FHIT: variants seen among roughly 807,000 people sequenced by gnomAD.
FHIT encodes the protein fragile histidine triad diadenosine triphosphatase.
FHIT carries 19 observed loss-of-function variants against 17.9 expected under a neutral mutation model. That is an observed-to-expected ratio of 1.06 (90% CI 0.74 to 1.56). The LOEUF is 1.56. Ranked by LOEUF, FHIT falls within the 40% of genes most tolerant of loss-of-function variation. The pLI, the probability that FHIT is intolerant of heterozygous loss-of-function variation, is 0.00. For synonymous variants in FHIT, 81 were observed against 69.7 expected, an observed-to-expected ratio of 1.16 and a Z score of -0.81; for missense variants, 248 against 189.2, an observed-to-expected ratio of 1.31 and a Z score of -1.82.
intron 5 of FHIT, among the ~76,000 whole-genome samples, chr3:60,297,337 CCATA>C (rs1708257838): frequency 6.6e-6 from 1 of 152,004 alleles, no homozygotes. Flanking sequence ...GTAGTTTTCA[CCATA>C]CAAATTCTAT....
intron 1 of FHIT, among the ~76,000 whole-genome samples, chr3:61,239,758 T>A (rs1283987237): frequency 2.0e-5 from 2 of 101,864 alleles, no homozygotes; most frequent in African/African-American, 6.6e-5. Flanking sequence ...GAAAAACAAC[T>A]GGCCATATAT....
At chr3:59,811,600 G>A (rs1285647621) in intron 8 of FHIT, among the ~76,000 whole-genome samples, 5 of 152,040 alleles carry the variant, frequency 3.3e-5, no homozygotes, top group East Asian at 1.9e-4. Flanking sequence ...AGAAAGGAAG[G>A]AAGAAAAAGA....
At chr3:61,028,329 A>G (rs1188222549) in intron 3 of FHIT, among the ~76,000 whole-genome samples, 4 of 152,220 alleles carry the variant, frequency 2.6e-5, no homozygotes. Context: ...AAGACAGTTG[A>G]GCAGGGAGGA....
Position 60,841,874 on chromosome 3 carries a change from T to G in FHIT, c.-110-19863A>C, listed in dbSNP as rs558389433. Among the ~76,000 whole-genome samples the G allele has an allele frequency of 4.7e-4, 72 of 152,254 alleles. 1 individual carries two copies. Among genetic ancestry groups the G allele is most frequent in the Middle Eastern group, 3.4e-3 (1 of 294 alleles). On this transcript the variant is annotated intron_variant, in intron 3 of 9. Coordinates refer to ENST00000492590, the MANE Select transcript of FHIT (RefSeq NM_002012.4). The stretch of plus-strand genomic sequence containing the variant: ...AGGCTACTAAATATTAAAAAAAAAT[T>G]TCTGATATTTCCATACATGAAGATG...
At chr3:60,956,559 A>C (rs1036284827) in intron 3 of FHIT, among the ~76,000 whole-genome samples, 12 of 152,184 alleles carry the variant, frequency 7.9e-5, no homozygotes, top group African/African-American at 2.9e-4. Context: ...CCTGAAGACA[A>C]TTTCAAAATG....
chr3:61,021,919 C>T (rs756945818), intron 3 of FHIT, among the ~76,000 whole-genome samples: 94 of 152,184 alleles, frequency 6.2e-4, no homozygotes, highest in Middle Eastern at 3.4e-3. Context: ...GACACCCTAA[C>T]CTCACAATTA....
chr3:60,007,003 T>G (rs1699950723), intron 7 of FHIT, among the ~76,000 whole-genome samples: 1 of 152,222 alleles, frequency 6.6e-6, no homozygotes, highest in African/African-American at 2.4e-5. Context: ...TATTAACAGC[T>G]ACTTCCCACT....
chr3:60,347,530 A>C (rs780984145), intron 5 of FHIT, among the ~76,000 whole-genome samples: 3 of 152,130 alleles, frequency 2.0e-5, no homozygotes, highest in African/African-American at 7.2e-5. Flanking sequence ...ACACTCTCAC[A>C]TCAATAGTTA....
chr3:59,781,636 A>G (rs565499185), intron 8 of FHIT, among the ~76,000 whole-genome samples: 1 of 152,342 alleles, frequency 6.6e-6, no homozygotes, highest in Admixed American at 6.5e-5. Context: ...AGAGATGGCA[A>G]AAGTTATGGA....
At chr3:60,598,698 A>T (rs2038347817) in intron 4 of FHIT, among the ~76,000 whole-genome samples, 1 of 152,222 alleles carries the variant, frequency 6.6e-6, no homozygotes, top group African/African-American at 2.4e-5. Context: ...AGAAACTTCT[A>T]TAGTATGAAA....
intron 3 of FHIT, among the ~76,000 whole-genome samples, chr3:60,861,947 A>C (rs2107004426): frequency 6.6e-6 from 1 of 151,692 alleles, no homozygotes; most frequent in South Asian, 2.1e-4. Flanking sequence ...GGTCTCAAAA[A>C]AAAAAAAAAA....
chr3:59,981,347 C>A (rs1197439851), intron 7 of FHIT, among the ~76,000 whole-genome samples: 1 of 152,074 alleles, frequency 6.6e-6, no homozygotes, highest in African/African-American at 2.4e-5. Context: ...TCAGAGTAAT[C>A]CCTATGTTTC....
At chr3:60,173,570 C>A (rs1328184459) in intron 5 of FHIT, among the ~76,000 whole-genome samples, 1 of 151,994 alleles carries the variant, frequency 6.6e-6, no homozygotes, top group East Asian at 1.9e-4. Context: ...CACAGGATGA[C>A]AAATGGGTTT....
intron 5 of FHIT, among the ~76,000 whole-genome samples, chr3:60,063,131 G>C (rs1702360843): frequency 1.3e-5 from 2 of 152,110 alleles, no homozygotes; most frequent in African/African-American, 2.4e-5. Context: ...AGAAACCAGA[G>C]GAAGACAAAA....
chr3:60,800,921 G>C (rs940616527), intron 4 of FHIT, among the ~76,000 whole-genome samples: 1 of 152,160 alleles, frequency 6.6e-6, no homozygotes. Flanking sequence ...ATTCTCCTGA[G>C]ATGAGTTCAG....
intron 2 of FHIT, among the ~76,000 whole-genome samples, chr3:61,144,617 T>C (rs1391730607): frequency 6.6e-6 from 1 of 152,198 alleles, no homozygotes; most frequent in Non-Finnish European, 1.5e-5. Context: ...TGAAGAACTG[T>C]CAAACTTTTT....
chr3:60,733,899 A>G (rs781978641), intron 4 of FHIT, among the ~76,000 whole-genome samples: 3 of 152,206 alleles, frequency 2.0e-5, no homozygotes, highest in Non-Finnish European at 4.4e-5. Flanking sequence ...TTTATTCTAT[A>G]CTTGATGCAT....
chr3:60,806,532 T>G (rs1701395261), intron 4 of FHIT, among the ~76,000 whole-genome samples: 1 of 152,242 alleles, frequency 6.6e-6, no homozygotes, highest in African/African-American at 2.4e-5. Flanking sequence ...TCACATTGTT[T>G]TAAATCACTA....
chr3:59,777,456 A>AT (rs1456270575), intron 8 of FHIT, among the ~76,000 whole-genome samples: 1 of 151,980 alleles, frequency 6.6e-6, no homozygotes, highest in East Asian at 1.9e-4. Flanking sequence ...CCAGCTGGTT[A>AT]CTCGAGCCAA....
Sources: allele counts gnomAD v4.1 joint callset (sites outside exome capture counted in the v4.1 genomes callset), GRCh38; gene constraint gnomAD v4.1.1; transcripts MANE v1.5; gene names NCBI Gene and HGNC (gene_info 2026-07-23, HGNC 2026-07-21).